Variants in SEC14L6 observed in about 807,000 individuals in gnomAD.
The protein encoded by SEC14L6 is SEC14 like lipid binding 6.
In SEC14L6, 40 loss-of-function variants were observed where a neutral mutation model predicts 54.1. That is an observed-to-expected ratio of 0.74 (90% confidence interval 0.57 to 0.96). The LOEUF (loss-of-function observed/expected upper bound fraction) is 0.96. Among genes scored for constraint, SEC14L6 ranks in the 40% least tolerant of loss-of-function variants. SEC14L6 has a pLI of 0.00. For missense variants in SEC14L6, 471 were observed against 498.3 expected (o/e 0.95, Z 0.52); for synonymous variants, 171 against 198.4 (o/e 0.86, Z 1.16).
intron 1 of SEC14L6, chr22:30,544,268 C>T: frequency 1.9e-6 from 1 of 516,498 alleles, no homozygotes. Flanking sequence ...ACGGCCCCCT[C>T]TCCCCACATT....
intron 6 of SEC14L6, 48 bp from the exon 7 acceptor site, chr22:30,529,397 T>G: frequency 2.8e-6 from 4 of 1,448,356 alleles, no homozygotes; most frequent in Non-Finnish European, 3.8e-6. Flanking sequence ...CACTGTCCCC[T>G]TGCATCCCCT....
chr22:30,533,201 A>G, intron 3 of SEC14L6: 1 of 899,910 alleles, frequency 1.1e-6, no homozygotes, highest in South Asian at 5.3e-5. Flanking sequence ...GCAAAAACCT[A>G]TACCCCCCTA....
chr22:30,543,668 C>G, intron 1 of SEC14L6: 1 of 1,612,210 alleles, frequency 6.2e-7, no homozygotes, highest in Non-Finnish European at 8.5e-7. Flanking sequence ...AACACTGGAC[C>G]TAATGAACAG....
At chr22:30,532,743 A>G (rs1937025020) in intron 4 of SEC14L6, 30 bp from the exon 5 acceptor site, 1 of 1,595,386 alleles carries the variant, frequency 6.3e-7, no homozygotes, top group South Asian at 1.1e-5. Context: ...ACGGGGGTTC[A>G]GTGCCGAGGG....
chr22:30,538,870 C>T lies in SEC14L6; in HGVS notation c.87G>A (p.Ala29=), dbSNP rs745528388. 3.0e-5 allele frequency: 47 copies of T among 1,556,696 alleles called. No homozygotes were observed. Among genetic ancestry groups the T allele is most frequent in the Middle Eastern group, 1.7e-4 (1 of 6,016 alleles). ...GGAAGTAGTCATCAGGATTGGGCAG[C>T]GCAGATAGCACATCTTGGATGTTCT... is the stretch of plus-strand genomic sequence containing the variant. ...FRENIQDVLS[A]LPNPDDYFLL... Residue 29 remains alanine, a synonymous_variant, in exon 2 of 12, where the codon GCG becomes GCA. Coordinates refer to ENST00000402034, the MANE Select transcript of SEC14L6 (RefSeq NM_001193336.4).
At position 30,525,869 on chromosome 22, in the gene SEC14L6, C is replaced by T; in HGVS notation, c.728G>A (p.Gly243Glu). ...SPDQLPVEFG[G>E]TMTDPDGNPK... ...GTTGCCATCGGGGTCAGTCATGGTC[C>T]CCCCAAACTCCACGGGCAGCTGGTC... The change falls in exon 9 of 12, where the codon GGG (glycine) becomes GAG (glutamate). Residue 243 changes from glycine (G) to glutamate (E), a missense_variant. Gly to Glu is a moderately conservative substitution (Grantham distance 98). Coordinates refer to ENST00000402034, the MANE Select transcript of SEC14L6 (RefSeq NM_001193336.4). 6.2e-7 allele frequency: 1 copy of T among 1,613,678 alleles called. No homozygotes were observed. The highest frequency in any genetic ancestry group is 1.7e-4 in the Middle Eastern group (1 of 6,050).
chr22:30,532,159 C>G, intron 5 of SEC14L6, 161 bp from the exon 6 acceptor site: 1 of 985,428 alleles, frequency 1.0e-6, no homozygotes, highest in Non-Finnish European at 1.2e-6. Context: ...ATGCCAGGAC[C>G]GGAGTGACCC....
At chr22:30,537,609 G>A (rs1028448441) in intron 2 of SEC14L6, among the ~76,000 whole-genome samples, 1 of 152,154 alleles carries the variant, frequency 6.6e-6, no homozygotes, top group Non-Finnish European at 1.5e-5. Flanking sequence ...GTTTGAGAGA[G>A]AGCGAGCGAG....
chr22:30,525,381 A>G lies in SEC14L6; in HGVS notation c.1050T>C (p.Asp350=), dbSNP rs1475349286. The G allele has an allele frequency of 2.5e-6, 4 of 1,613,972 alleles. No homozygotes were observed. The highest frequency in any genetic ancestry group is 3.4e-6 in the Non-Finnish European group (4 of 1,180,002). The change falls in exon 11 of 12, where the codon GAT becomes GAC. Residue 350 remains aspartate (D), a synonymous_variant. Coordinates refer to ENST00000402034, the MANE Select transcript of SEC14L6 (RefSeq NM_001193336.4). ...CGGCCTGGAGGCAGGTGAGAATCCC[A>G]TCTTCAGGCACCATGTGGGCATTGT... The part of the protein sequence containing the change: ...QRYNAHMVPE[D]GILTCLQAGS...
rs936563852 is a variant in SEC14L6 at position 30,532,425 on chromosome 22, C to T, written c.423+100G>A. 10 of 1,361,120 alleles carry T rather than the reference C, an allele frequency of 7.3e-6. No homozygotes were observed. The East Asian group carries it at 1.0e-4, about 14-fold the overall frequency. The allele number at this position is 1,361,120 out of a possible 1,614,324, so 84.3% of individuals were successfully genotyped here. A position where few individuals can be genotyped will look rare whatever the true frequency, so the allele number is the denominator to read the frequency against. On this transcript the variant is annotated intron_variant, in intron 5 of 11. Transcript: ENST00000402034. Reference sequence around the variant, plus strand: ...TTCACTCCACAGTACCAGGAGGAGCCGAGGAGCCCAGGAGCCCAGGAAGGC... The same window carrying T: ...TTCACTCCACAGTACCAGGAGGAGCTGAGGAGCCCAGGAGCCCAGGAAGGC...
intron 1 of SEC14L6, among the ~76,000 whole-genome samples, chr22:30,544,620 G>A (rs2085779956): frequency 6.6e-6 from 1 of 152,098 alleles, no homozygotes; most frequent in Non-Finnish European, 1.5e-5. Context: ...AACAGTCCTG[G>A]CCTCCCCCAT....
At chr22:30,532,107 G>T (rs1936997431) in intron 5 of SEC14L6, 109 bp from the exon 6 acceptor site, 2 of 1,464,494 alleles carry the variant, frequency 1.4e-6, no homozygotes, top group Non-Finnish European at 1.8e-6. Flanking sequence ...TCTCAGCTCT[G>T]CATGGCACAG....
intron 3 of SEC14L6, 149 bp downstream of exon 3, chr22:30,533,847 C>G: frequency 1.4e-6 from 1 of 721,710 alleles, no homozygotes; most frequent in Non-Finnish European, 2.3e-6. Context: ...TCCCCAGCGC[C>G]TAGCACCAGG....
chr22:30,531,695 G>C (rs1466702528), intron 6 of SEC14L6, among the ~76,000 whole-genome samples: 1 of 152,196 alleles, frequency 6.6e-6, no homozygotes, highest in Non-Finnish European at 1.5e-5. Flanking sequence ...TTGCACTCTA[G>C]TCTGGGCAAC....
At chr22:30,538,735 T>C (rs2085643609) in intron 2 of SEC14L6, 92 bp downstream of exon 2, 6 of 826,040 alleles carry the variant, frequency 7.3e-6, no homozygotes, top group East Asian at 2.8e-5. Flanking sequence ...TAAATGGCTA[T>C]GTTTTGGAGT....
Position 30,524,953 on chromosome 22 carries a change from G to T in SEC14L6, c.*44C>A. The T allele has an allele frequency of 2.0e-6, 2 of 994,574 alleles. No homozygotes were observed. Among genetic ancestry groups the T allele is most frequent in the Non-Finnish European group, 1.6e-6 (1 of 639,352 alleles). 61.6% of individuals were successfully genotyped at this position (994,574 alleles called of 1,614,324 possible). A position where few individuals can be genotyped will look rare whatever the true frequency, so the allele number is the denominator to read the frequency against. ...CAGGGAAGGCTGTGAACTCATTGTGGATTCAGAGATCAAAGAGGAGGGTGT... is the reference window on the plus strand; with the variant it reads ...CAGGGAAGGCTGTGAACTCATTGTGTATTCAGAGATCAAAGAGGAGGGTGT... On this transcript the variant is annotated 3_prime_UTR_variant, in exon 12 of 12. Coordinates refer to ENST00000402034, the MANE Select transcript of SEC14L6 (RefSeq NM_001193336.4).
At chr22:30,542,044 C>T (rs1209975461) in intron 1 of SEC14L6, among the ~76,000 whole-genome samples, 2 of 152,182 alleles carry the variant, frequency 1.3e-5, no homozygotes, top group East Asian at 3.9e-4. Context: ...GGGCAGGACG[C>T]GAAAGGGCAG....
intron 1 of SEC14L6, among the ~76,000 whole-genome samples, chr22:30,541,398 C>T (rs1323656797): frequency 6.6e-6 from 1 of 152,180 alleles, no homozygotes; most frequent in Non-Finnish European, 1.5e-5. Context: ...GTGGCTCACG[C>T]CTGTAATCCC....
chr22:30,543,510 C>G, intron 1 of SEC14L6: 2 of 1,613,080 alleles, frequency 1.2e-6, no homozygotes, highest in African/African-American at 2.7e-5. Flanking sequence ...ACTGGATGAG[C>G]TGGCTCCTGG....
Sources: gnomAD v4.1 joint callset for allele counts (sites outside exome capture counted in the v4.1 genomes callset) on GRCh38, gnomAD v4.1.1 for gene constraint, MANE v1.5 for transcripts, NCBI Gene and HGNC (gene_info 2026-07-23, HGNC 2026-07-21) for gene names.